The following DNAJC8 variants were observed in gnomAD, a reference collection of about 807,000 sequenced individuals.
DNAJC8 encodes the protein dnaJ homolog subfamily C member 8.
DNAJC8 carries 24 observed loss-of-function variants against 43.2 expected under a neutral mutation model. That is an observed-to-expected ratio of 0.56 (90% CI 0.40 to 0.78). DNAJC8 has a LOEUF of 0.78. Among genes scored for constraint, DNAJC8 ranks in the 30% least tolerant of loss-of-function variants. The pLI is 0.00. For synonymous variants in DNAJC8, 83 were observed against 98.0 expected, an observed-to-expected ratio of 0.85 and a Z score of 0.90; for missense variants, 207 against 299.4, an observed-to-expected ratio of 0.69 and a Z score of 2.28.
intron 3 of DNAJC8, among the ~76,000 whole-genome samples, chr1:28,212,170 T>TAAAAA (rs1314233756): frequency 4.2e-5 from 1 of 23,726 alleles, no homozygotes; most frequent in African/African-American, 1.7e-4. Context: ...AATAAATAAA[T>TAAAAA]ATATATATAT....
At chr1:28,217,364 C>T (rs920189702) in intron 2 of DNAJC8, among the ~76,000 whole-genome samples, 6 of 152,058 alleles carry the variant, frequency 3.9e-5, no homozygotes, top group African/African-American at 7.2e-5. Context: ...CTCACGCTTG[C>T]AATCCCAGTA....
chr1:28,203,392 A>G (rs1205384284), intron 8 of DNAJC8, among the ~76,000 whole-genome samples: 1 of 152,156 alleles, frequency 6.6e-6, no homozygotes, highest in Non-Finnish European at 1.5e-5. Flanking sequence ...ACAATACTCT[A>G]TGCTTACCCC....
rs1249182683 is a variant in DNAJC8 at position 28,227,104 on chromosome 1, C to CTCTTT, written c.180+1817_180+1818insAAAGA. Among the ~76,000 whole-genome samples the CTCTTT allele has an allele frequency of 5.3e-5, 5 of 95,144 alleles. No individual in the cohort carries two copies. In the South Asian group the frequency reaches 1.1e-3, roughly 21 times the overall value. 62.4% of individuals were successfully genotyped at this position (95,144 alleles called of 152,430 possible). A position where few individuals can be genotyped will look rare whatever the true frequency, so the allele number is the denominator to read the frequency against. On this transcript the variant is annotated intron_variant, in intron 2 of 8. Transcript: ENST00000263697. ...AAAAAAAAAGAATTTCTCTCTCTCT[C>CTCTTT]TTTTTTTTTTTTTTTTTTTTTTGGA... is the stretch of plus-strand genomic sequence containing the variant.
In DNAJC8 at chr1:28,228,989, G is replaced by A. The variant is rs774690607; in HGVS notation, c.113C>T (p.Thr38Ile). 6.2e-7 allele frequency: 1 copy of A among 1,613,976 alleles called. No individual in the cohort carries two copies. The highest frequency in any genetic ancestry group is 1.1e-5 in the South Asian group (1 of 91,072). Residue 38 changes from threonine to isoleucine, a missense_variant, in exon 2 of 9, where the codon ACT becomes ATT. Thr to Ile is a moderately conservative substitution (Grantham distance 89, BLOSUM62 -1). This residue lies in a region of DNAJC8 where 159 missense variants were observed against 267.5 expected (regional missense o/e 0.59). Transcript: ENST00000263697. ...CAGTCTTTCAATCTGATTTTTCGAA[G>A]TTAGAACCGAGTCTCTCTTCTCTAT... Reference protein sequence around the residue: ...KQIEKRDSVLTSKNQIERLTR... With the variant: ...KQIEKRDSVLISKNQIERLTR...
intron 1 of DNAJC8, among the ~76,000 whole-genome samples, chr1:28,229,936 T>C (rs1444641765): frequency 2.6e-5 from 4 of 152,010 alleles, no homozygotes; most frequent in African/African-American, 9.7e-5. Flanking sequence ...ACCACCTAAT[T>C]CTAATAGTGT....
At chr1:28,210,908 G>A (rs1446326386) in intron 3 of DNAJC8, among the ~76,000 whole-genome samples, 1 of 152,136 alleles carries the variant, frequency 6.6e-6, no homozygotes, top group Non-Finnish European at 1.5e-5. Flanking sequence ...AGAGGCTCAC[G>A]CCTGTCATCC....
chr1:28,210,343 G>A (rs1200715312), intron 4 of DNAJC8: 7 of 563,628 alleles, frequency 1.2e-5, no homozygotes, highest in Non-Finnish European at 2.2e-5. Flanking sequence ...ATGATCCTAT[G>A]CAATAACAGT....
At chr1:28,231,919 T>C (rs933914920) in intron 1 of DNAJC8, among the ~76,000 whole-genome samples, 1 of 151,742 alleles carries the variant, frequency 6.6e-6, no homozygotes, top group Non-Finnish European at 1.5e-5. Context: ...AGGCGCCCAC[T>C]ACCAGGCCCA....
chr1:28,218,182 G>C (rs1167925100), intron 2 of DNAJC8, among the ~76,000 whole-genome samples: 1 of 146,970 alleles, frequency 6.8e-6, no homozygotes, highest in African/African-American at 2.6e-5. Flanking sequence ...TGCAACCTCC[G>C]CCTCTGGGAT....
chr1:28,215,625 C>T (rs1303086926), intron 2 of DNAJC8, among the ~76,000 whole-genome samples: 9 of 150,722 alleles, frequency 6.0e-5, no homozygotes, highest in Admixed American at 4.6e-4. Flanking sequence ...GCAACCTCCA[C>T]CTCCGCGGTT....
rs17163970 is a variant in DNAJC8, at chr1:28,200,914, C to T, written c.*334G>A. The T allele has an allele frequency of 4.7e-4, 174 of 373,296 alleles. 1 individual carries two copies. Among genetic ancestry groups the T allele is most frequent in the African/African-American group, 3.2e-3 (152 of 47,760 alleles). 23.1% of individuals were successfully genotyped at this position (373,296 alleles called of 1,614,324 possible). A position where few individuals can be genotyped will look rare whatever the true frequency, so the allele number is the denominator to read the frequency against. On this transcript the variant is annotated 3_prime_UTR_variant, in exon 9 of 9. Transcript: ENST00000263697. ...AGTATGTTTAATTGGATGATTTCCA[C>T]AAACTATCCACGAAGTTTCTAACCA...
chr1:28,226,396 G>A (rs1024717300), intron 2 of DNAJC8, among the ~76,000 whole-genome samples: 1 of 151,222 alleles, frequency 6.6e-6, no homozygotes, highest in African/African-American at 2.4e-5. Context: ...CCAGCTACTC[G>A]GGAGGCTGAG....
At chr1:28,204,379 G>A (rs890553479) in intron 7 of DNAJC8, among the ~76,000 whole-genome samples, 6 of 152,060 alleles carry the variant, frequency 3.9e-5, no homozygotes, top group South Asian at 2.1e-4. Context: ...TCAGGAGTTC[G>A]AGACCAGCCT....
chr1:28,232,874 T>A (rs945010398), intron 1 of DNAJC8, 47 bp downstream of exon 1: 2 of 1,597,932 alleles, frequency 1.3e-6, no homozygotes, highest in African/African-American at 1.3e-5. Flanking sequence ...GGAAAGCAGA[T>A]CCGGGAGCGG....
chr1:28,216,197 T>A (rs1046208905), intron 2 of DNAJC8, among the ~76,000 whole-genome samples: 6 of 152,042 alleles, frequency 3.9e-5, no homozygotes, highest in African/African-American at 1.4e-4. Flanking sequence ...AAAAATACAA[T>A]ATTAGCCAGG....
intron 2 of DNAJC8, among the ~76,000 whole-genome samples, chr1:28,218,094 C>CT (rs34973122): frequency 0.036 from 4,345 of 122,308 alleles, 258 homozygotes; most frequent in African/African-American, 0.11. Flanking sequence ...GGTTTCTATT[C>CT]TTTTTTTTTT....
chr1:28,232,973 G>T lies in DNAJC8; in HGVS notation c.26C>A (p.Thr9Asn), dbSNP rs979301390. The T allele has an allele frequency of 6.2e-7, 1 of 1,612,912 alleles. No homozygotes were observed. Among genetic ancestry groups the T allele is most frequent in the South Asian group, 1.1e-5 (1 of 91,080 alleles). MAASGESGTSGGGGSTEEA... is the reference protein window; with the variant it reads MAASGESGNSGGGGSTEEA... ...CTCGGTGCTGCCTCCGCCGCCTGAA[G>T]TCCCGCTCTCTCCTGAAGCCGCCAT... Residue 9 changes from threonine to asparagine, a missense_variant, in exon 1 of 9, where the codon ACT becomes AAT. Thr to Asn is a moderately conservative substitution (Grantham distance 65). Around this residue, in one of 2 missense-constraint regions of DNAJC8, gnomAD observed 48 missense variants for 31.9 expected, o/e 1.50. Transcript: ENST00000263697.
intron 7 of DNAJC8, among the ~76,000 whole-genome samples, chr1:28,204,467 G>A (rs543296315): frequency 6.6e-5 from 10 of 152,216 alleles, no homozygotes; most frequent in African/African-American, 2.4e-4. Context: ...ACCTGGGGAG[G>A]TGGAGGTTGC....
intron 4 of DNAJC8, 21 bp downstream of exon 4, chr1:28,210,550 A>G (rs199515761): frequency 2.3e-4 from 366 of 1,607,350 alleles, no homozygotes; most frequent in Admixed American, 1.0e-3. Context: ...AATACTCAGA[A>G]GCAGGTAAAT....
Sources: allele counts gnomAD v4.1 joint callset (sites outside exome capture counted in the v4.1 genomes callset), GRCh38; gene constraint gnomAD v4.1.1; regional missense constraint gnomAD v4.1.1; transcripts MANE v1.5; gene names NCBI Gene and HGNC (gene_info 2026-07-23, HGNC 2026-07-21).